MTOR: variants seen among roughly 807,000 people sequenced by gnomAD.
MTOR encodes serine/threonine-protein kinase mTOR.
In MTOR, 70 loss-of-function variants were observed where a neutral mutation model predicts 319.8. That is an observed-to-expected ratio of 0.22 (90% confidence interval 0.18 to 0.27). The LOEUF (loss-of-function observed/expected upper bound fraction) is 0.27. MTOR is among the 10% of genes least tolerant of loss of function. The pLI, the probability that MTOR is intolerant of heterozygous loss-of-function variation, is 1.00. For missense variants in MTOR, 1,890 were observed against 3,274.4 expected (o/e 0.58, Z 10.32); for synonymous variants, 1,183 against 1,211.4 (o/e 0.98, Z 0.49).
At position 11,225,856 on chromosome 1, in the gene MTOR, C is replaced by T. The variant is rs377528303; in HGVS notation, c.3030+2812G>A. The stretch of plus-strand genomic sequence containing the variant: ...GAGAACAGTGTGAACAATTTCATGT[C>T]AACAAGTTTTATCACTTAGACAAAA... On this transcript the variant is annotated intron_variant, in intron 19 of 57. Transcript: ENST00000361445. 1.3e-3 allele frequency among the ~76,000 whole-genome samples: 201 copies of T among 152,224 alleles called. 2 individuals are homozygous for T. The South Asian group carries it at 0.015, about 11-fold the overall frequency.
chr1:11,115,367 G>A lies in MTOR; in HGVS notation c.7089+29C>T. On this transcript the variant is annotated intron_variant, in intron 51 of 57. Transcript: ENST00000361445. This position sits in a 1 kb window ranked among gnomAD's most constrained non-coding sequence, Gnocchi z 4.5. ...GGGAAAAGTGATCACCCGGGAAGATGAGGTTGGGGTTCTAGAACATGTGTT... is the reference window on the plus strand; with the variant it reads ...GGGAAAAGTGATCACCCGGGAAGATAAGGTTGGGGTTCTAGAACATGTGTT... The A allele has an allele frequency of 6.2e-7, 1 of 1,608,838 alleles. No homozygotes were observed. Among genetic ancestry groups the A allele is most frequent in the Non-Finnish European group, 8.5e-7 (1 of 1,175,196 alleles).
chr1:11,193,797 C>T, intron 28 of MTOR: 1 of 1,612,888 alleles, frequency 6.2e-7, no homozygotes, highest in Non-Finnish European at 8.5e-7. Context: ...CCAGGGGCCC[C>T]ATGACTGGAC....
Position 11,199,225 on chromosome 1 carries a change from G to A in MTOR, c.4253+33C>T. 6.2e-7 allele frequency: 1 copy of A among 1,614,060 alleles called. No homozygotes were observed. Among genetic ancestry groups the A allele is most frequent in the Non-Finnish European group, 8.5e-7 (1 of 1,179,922 alleles). On this transcript the variant is annotated intron_variant, in intron 28 of 57. Coordinates refer to ENST00000361445, the MANE Select transcript of MTOR (RefSeq NM_004958.4). The surrounding 1 kb of genome is among the most constrained non-coding windows in gnomAD (Gnocchi z 4.5). ...TGGGAGAAGAGAGGTCATTTTGCAT[G>A]AAGGCAGCAATTAAAAAGGGTTTAT... is the stretch of plus-strand genomic sequence containing the variant.
At chr1:11,154,870 GCA>G (rs1399249234) in intron 30 of MTOR, among the ~76,000 whole-genome samples, 1 of 151,826 alleles carries the variant, frequency 6.6e-6, no homozygotes, top group African/African-American at 2.4e-5. Context: ...AGAAGGCTGT[GCA>G]CAGTGGCTCA....
At position 11,216,166 on chromosome 1, in the gene MTOR, T is replaced by G. The variant is rs1467445041; in HGVS notation, c.3099A>C (p.Glu1033Asp). The G allele has an allele frequency of 6.2e-7, 1 of 1,613,754 alleles. No homozygotes were observed. ...TACTCACTCTCATGAGGGTGACTAT[T>G]TCATCCATATAAGGTCTGATGTGGC... is the stretch of plus-strand genomic sequence containing the variant. ...VKSHIRPYMD[E>D]IVTLMREFWV... The change falls in exon 20 of 58, where the codon GAA (glutamate) becomes GAC (aspartate). Residue 1033 changes from glutamate to aspartate, a missense_variant. By Grantham distance (45) the Glu-to-Asp change is conservative. Coordinates refer to ENST00000361445, the MANE Select transcript of MTOR (RefSeq NM_004958.4).
At chr1:11,153,882 A>C (rs1029691749) in intron 30 of MTOR, among the ~76,000 whole-genome samples, 2 of 151,916 alleles carry the variant, frequency 1.3e-5, no homozygotes, top group Non-Finnish European at 2.9e-5. Flanking sequence ...CAGCCTGGCC[A>C]ACATGGCGAA....
intron 30 of MTOR, among the ~76,000 whole-genome samples, chr1:11,156,283 C>T (rs1197380935): frequency 4.6e-5 from 7 of 152,202 alleles, no homozygotes; most frequent in Non-Finnish European, 8.8e-5. Context: ...AGCCACTGTG[C>T]CCGGCCTGTT....
intron 49 of MTOR, among the ~76,000 whole-genome samples, chr1:11,120,635 A>AG (rs1642475022): frequency 6.6e-6 from 1 of 152,002 alleles, no homozygotes; most frequent in Non-Finnish European, 1.5e-5. Flanking sequence ...TACAAGTGTG[A>AG]GCCACTGCAC....
At chr1:11,225,920 A>G (rs1463076076) in intron 19 of MTOR, among the ~76,000 whole-genome samples, 1 of 152,262 alleles carries the variant, frequency 6.6e-6, no homozygotes, top group Non-Finnish European at 1.5e-5. Flanking sequence ...AAACTGCTTC[A>G]AGGAGATACA....
rs558813626 is a variant in MTOR at position 11,162,613 on chromosome 1, G to T, written c.4329+4829C>A. ...GGCAGAAACTCCACAAGCCAGAAGA[G>T]AGTGGGGGCCAATATTCAACATTCT... On this transcript the variant is annotated intron_variant, in intron 29 of 57. Transcript: ENST00000361445. Among the ~76,000 whole-genome samples the T allele has an allele frequency of 2.6e-5, 4 of 152,356 alleles. No homozygotes were observed. In the East Asian group the frequency reaches 7.7e-4, roughly 29 times the overall value.
rs755785417 is a variant in MTOR, at chr1:11,209,423, C to CA, written c.3689dup (p.Leu1230PhefsTer9). The CA allele has an allele frequency of 6.2e-7, 1 of 1,614,188 alleles. No individual in the cohort carries two copies. The highest frequency in any genetic ancestry group is 2.2e-5 in the East Asian group (1 of 44,888). ...TCCTAAGCATCCGATGCTGGTAAAT[C>CA]AAAGGATCCTCCTCTTCATCAGCAA... is the stretch of plus-strand genomic sequence containing the variant. On this transcript the variant is annotated frameshift_variant, in exon 25 of 58. Transcript: ENST00000361445. LOFTEE classifies it high-confidence loss of function.
chr1:11,127,570 T>A lies in MTOR; in HGVS notation c.6216+54A>T, dbSNP rs561502461. 86 of 1,523,132 alleles carry A rather than the reference T, an allele frequency of 5.6e-5. 4 individuals are homozygous for A. In the South Asian group the frequency reaches 1.1e-3, roughly 19 times the overall value. The allele number at this position is 1,523,132 out of a possible 1,614,324, so 94.4% of individuals were successfully genotyped here. The stretch of plus-strand genomic sequence containing the variant: ...AAACTTTTCTCATTTCATTTTTTTT[T>A]AGTGGCAGAATATTTCTACAGGGTT... On this transcript the variant is annotated intron_variant, in intron 44 of 57. Coordinates refer to ENST00000361445, the MANE Select transcript of MTOR (RefSeq NM_004958.4). This position sits in a 1 kb window ranked among gnomAD's most constrained non-coding sequence, Gnocchi z 5.5.
chr1:11,243,226 A>C lies in MTOR; in HGVS notation c.1300T>G (p.Phe434Val). ...VKKEKERTAA[F>V]QALGLLSVAV... is the part of the protein sequence containing the mutation. ...ACAGAAAGTAGCCCCAGGGCTTGGA[A>C]GGCCGCTGTACGTTCCTTCTCCTTC... Residue 434 changes from phenylalanine (F) to valine (V), a missense_variant, in exon 9 of 58, where the codon TTC (phenylalanine) becomes GTC (valine). Transcript: ENST00000361445. 1 of 1,614,180 alleles carries C rather than the reference A, an allele frequency of 6.2e-7. No individual in the cohort carries two copies. The highest frequency in any genetic ancestry group is 1.3e-5 in the African/African-American group (1 of 75,028).
rs1647511647 is a variant in MTOR at position 11,238,518 on chromosome 1, A to C, written c.1886T>G (p.Leu629Arg). 6.2e-7 allele frequency: 1 copy of C among 1,614,118 alleles called. No homozygotes were observed. Among genetic ancestry groups the C allele is most frequent in the African/African-American group, 1.3e-5 (1 of 74,950 alleles). Residue 629 changes from leucine to arginine, a missense_variant, in exon 12 of 58, where the codon CTG (leucine) becomes CGG (arginine). Physicochemically the swap from Leu to Arg is moderately radical, Grantham distance 102 (BLOSUM62 -2). Transcript: ENST00000361445. The part of the protein sequence containing the change: ...RMEAARTCSR[L>R]LTPSIHLISG... ...GATGAGGTGGATGGAGGGTGTGAGC[A>C]GGCGGGAGCAGGTGCGGGCAGCCTC...
chr1:11,217,561 C>T lies in MTOR; in HGVS notation c.3031-1327G>A, dbSNP rs565365123. ...GACTACAGGCGCCCGCCACCATGCC[C>T]GGCTAATTTTTTTTTTTTTTTGTAT... is the stretch of plus-strand genomic sequence containing the variant. On this transcript the variant is annotated intron_variant, in intron 19 of 57. Transcript: ENST00000361445. 9.9e-5 allele frequency among the ~76,000 whole-genome samples: 15 copies of T among 151,496 alleles called. No homozygotes were observed. The South Asian group carries it at 2.9e-3, about 30-fold the overall frequency.
At chr1:11,217,046 C>T (rs1294548340) in intron 19 of MTOR, among the ~76,000 whole-genome samples, 1 of 152,140 alleles carries the variant, frequency 6.6e-6, no homozygotes, top group African/African-American at 2.4e-5. Context: ...AAAATAAATA[C>T]AGCTAACTCT....
intron 25 of MTOR, among the ~76,000 whole-genome samples, chr1:11,205,153 A>G (rs192409513): frequency 4.6e-5 from 7 of 152,368 alleles, no homozygotes; most frequent in African/African-American, 1.7e-4. Flanking sequence ...CAGTGAGCCC[A>G]AAGCACATGG....
At chr1:11,157,683 G>T (rs1050621050) in intron 29 of MTOR, among the ~76,000 whole-genome samples, 2 of 152,144 alleles carry the variant, frequency 1.3e-5, no homozygotes, top group Admixed American at 6.5e-5. Context: ...AGGTGCCATC[G>T]CTCCGATCTG....
In MTOR at chr1:11,214,710, T is replaced by C. The variant is rs78045440; in HGVS notation, c.3118-1144A>G. On this transcript the variant is annotated intron_variant, in intron 20 of 57. Transcript: ENST00000361445. The stretch of plus-strand genomic sequence containing the variant: ...CTAGAAGATGCTGGTAAAACTTCCT[T>C]TCTCTCTACTTGGAGAGAAGTATTC... Among the ~76,000 whole-genome samples, 443 of 152,338 alleles carry C rather than the reference T, an allele frequency of 2.9e-3. 2 individuals are homozygous for C. Among genetic ancestry groups the C allele is most frequent in the African/African-American group, 0.01 (422 of 41,582 alleles).
Sources: allele counts gnomAD v4.1 joint callset (sites outside exome capture counted in the v4.1 genomes callset), GRCh38; gene constraint gnomAD v4.1.1; non-coding constraint Gnocchi (gnomAD v3.1); transcripts MANE v1.5; gene names NCBI Gene and HGNC (gene_info 2026-07-23, HGNC 2026-07-21).